PPARGC1A: variants seen among roughly 807,000 people sequenced by gnomAD.
PPARGC1A encodes the protein PPARG coactivator 1 alpha.
PPARGC1A carries 25 observed loss-of-function variants against 88.7 expected under a neutral mutation model. The observed-to-expected ratio is 0.28, with a 90% CI of 0.21 to 0.39. The LOEUF (loss-of-function observed/expected upper bound fraction) is 0.39, where lower values mean the gene tolerates loss of function less well. Among genes scored for constraint, PPARGC1A ranks in the 10% least tolerant of loss-of-function variants. The probability of loss-of-function intolerance (pLI) is 1.00; values close to 1 mark genes in which losing one functional copy is unlikely to be tolerated. For synonymous variants in PPARGC1A, 363 were observed against 355.6 expected (o/e 1.02, Z -0.24); for missense variants, 880 against 968.7 (o/e 0.91, Z 1.22).
intron 2 of PPARGC1A, among the ~76,000 whole-genome samples, chr4:23,845,335 C>T (rs920419982): frequency 6.6e-6 from 1 of 152,048 alleles, no homozygotes; most frequent in Non-Finnish European, 1.5e-5. Flanking sequence ...TCACAGAGGT[C>T]AATGCTATTT....
chr4:24,413,231 C>T, the PPARGC1A span, among the ~76,000 whole-genome samples: 16 of 127,468 alleles, frequency 1.3e-4, no homozygotes, highest in East Asian at 3.7e-3. Context: ...CAGCATCCTG[C>T]CTGGCTTCAT....
chr4:23,908,964 T>C (rs759828847), upstream of PPARGC1A, among the ~76,000 whole-genome samples: 7 of 152,200 alleles, frequency 4.6e-5, no homozygotes, highest in Admixed American at 1.3e-4. Context: ...TTGTGTGAGA[T>C]TTTATTGCTG....
At chr4:24,006,580 A>G in the PPARGC1A span, among the ~76,000 whole-genome samples, 1 of 152,178 alleles carries the variant, frequency 6.6e-6, no homozygotes, top group Non-Finnish European at 1.5e-5. Flanking sequence ...AAGGGAAAGA[A>G]AGGCTTGGAC....
chr4:24,348,828 G>A, the PPARGC1A span, among the ~76,000 whole-genome samples: 1 of 152,044 alleles, frequency 6.6e-6, no homozygotes, highest in Non-Finnish European at 1.5e-5. Context: ...ATTTCTTCTT[G>A]GTTTGGATCT....
chr4:24,465,710 C>T, the PPARGC1A span, among the ~76,000 whole-genome samples: 3 of 152,166 alleles, frequency 2.0e-5, no homozygotes, highest in Non-Finnish European at 4.4e-5. Context: ...TAATGTTTTC[C>T]CTCCGCTTCC....
chr4:24,188,192 A>G, the PPARGC1A span, among the ~76,000 whole-genome samples: 1 of 151,672 alleles, frequency 6.6e-6, no homozygotes, highest in African/African-American at 2.4e-5. Flanking sequence ...GCAGGGGGAG[A>G]AAAATGGTAC....
chr4:24,280,272 T>C, the PPARGC1A span, among the ~76,000 whole-genome samples: 1 of 152,258 alleles, frequency 6.6e-6, no homozygotes, highest in Non-Finnish European at 1.5e-5. Context: ...TCTCTCTGTG[T>C]ACCTGCTGAA....
chr4:24,366,735 C>T, the PPARGC1A span, among the ~76,000 whole-genome samples: 5 of 152,150 alleles, frequency 3.3e-5, no homozygotes, highest in Non-Finnish European at 5.9e-5. Context: ...TTTCCGTCAT[C>T]ACCCCCATTG....
At chr4:24,196,453 C>G in the PPARGC1A span, among the ~76,000 whole-genome samples, 1 of 152,182 alleles carries the variant, frequency 6.6e-6, no homozygotes, top group Non-Finnish European at 1.5e-5. Flanking sequence ...GGTAATTATA[C>G]CGTAATGCAG....
chr4:24,144,947 T>A, the PPARGC1A span, among the ~76,000 whole-genome samples: 2 of 146,554 alleles, frequency 1.4e-5, no homozygotes, highest in Non-Finnish European at 1.5e-5. Flanking sequence ...TTTTTTTTTT[T>A]AACTTTTAGT....
chr4:23,932,976 T>C, the PPARGC1A span, among the ~76,000 whole-genome samples: 3 of 152,144 alleles, frequency 2.0e-5, no homozygotes, highest in Non-Finnish European at 4.4e-5. Flanking sequence ...GTTGTCCAGT[T>C]GGGCAGAGTT....
At chr4:24,261,424 GT>G in the PPARGC1A span, among the ~76,000 whole-genome samples, 2 of 152,024 alleles carry the variant, frequency 1.3e-5, no homozygotes, top group African/African-American at 4.8e-5. Context: ...GCGTCATCTG[GT>G]TTCCCTTGGA....
chr4:24,220,487 G>A, the PPARGC1A span, among the ~76,000 whole-genome samples: 3 of 152,110 alleles, frequency 2.0e-5, no homozygotes, highest in East Asian at 1.9e-4. Flanking sequence ...ACCCATCAAC[G>A]GTGGATTGGA....
At chr4:24,231,939 G>GT in the PPARGC1A span, among the ~76,000 whole-genome samples, 2 of 152,106 alleles carry the variant, frequency 1.3e-5, no homozygotes, top group Non-Finnish European at 2.9e-5. Context: ...TTTGGTCATT[G>GT]TTTTTTCCCA....
chr4:23,960,009 C>G, the PPARGC1A span, among the ~76,000 whole-genome samples: 1 of 152,090 alleles, frequency 6.6e-6, no homozygotes, highest in Admixed American at 6.6e-5. Context: ...CAAGGCCAGA[C>G]TAATGAGCTA....
At chr4:24,292,379 C>T in the PPARGC1A span, among the ~76,000 whole-genome samples, 1 of 151,892 alleles carries the variant, frequency 6.6e-6, no homozygotes, top group African/African-American at 2.4e-5. Context: ...TATGAATAAG[C>T]TGGTACCCAA....
chr4:24,041,204 A>G, the PPARGC1A span, among the ~76,000 whole-genome samples: 1 of 152,180 alleles, frequency 6.6e-6, no homozygotes, highest in South Asian at 2.1e-4. Context: ...TGCCTTCCAC[A>G]TCTGATTAGG....
the PPARGC1A span, among the ~76,000 whole-genome samples, chr4:24,426,173 C>A: frequency 1.3e-5 from 2 of 151,916 alleles, no homozygotes; most frequent in African/African-American, 2.4e-5. Flanking sequence ...GAGGTAAAGC[C>A]CTCTAATATA....
intron 2 of PPARGC1A, chr4:23,866,000 G>A (rs13113110): frequency 6.6e-6 from 1 of 151,968 alleles, no homozygotes; most frequent in Non-Finnish European, 1.5e-5. Flanking sequence ...CTTAGAAGGT[G>A]GTGAATAATA....
Sources: gnomAD v4.1 joint callset for allele counts (sites outside exome capture counted in the v4.1 genomes callset) on GRCh38, gnomAD v4.1.1 for gene constraint, MANE v1.5 for transcripts, NCBI Gene and HGNC (gene_info 2026-07-23, HGNC 2026-07-21) for gene names.